Variants in ITGBL1 observed in about 807,000 individuals in gnomAD.
The protein encoded by ITGBL1 is integrin subunit beta like 1.
ITGBL1 carries 51 observed loss-of-function variants against 68.5 expected under a neutral mutation model. That is an observed-to-expected ratio of 0.74 (90% CI 0.59 to 0.94). The LOEUF (loss-of-function observed/expected upper bound fraction) is 0.94, where lower values mean the gene tolerates loss of function less well. Ranked by LOEUF, ITGBL1 falls within the 40% of genes least tolerant of loss-of-function variation. The probability of loss-of-function intolerance (pLI) is 0.00; values close to 1 mark genes in which losing one functional copy is unlikely to be tolerated. For missense variants in ITGBL1, 649 were observed against 647.4 expected (o/e 1.00, Z -0.03); for synonymous variants, 209 against 227.3 (o/e 0.92, Z 0.72).
intron 2 of ITGBL1, among the ~76,000 whole-genome samples, chr13:101,492,200 G>A (rs1171037644): frequency 1.3e-5 from 2 of 152,166 alleles, no homozygotes; most frequent in East Asian, 3.9e-4. Flanking sequence ...TTCAACCATT[G>A]TGGAAGACAG....
chr13:101,641,842 T>C (rs2032389053), intron 7 of ITGBL1, among the ~76,000 whole-genome samples: 1 of 151,188 alleles, frequency 6.6e-6, no homozygotes, highest in Admixed American at 6.6e-5. Context: ...GATAGTTTAC[T>C]GAGAATGATG....
chr13:101,554,466 A>G (rs1290219013), intron 2 of ITGBL1, among the ~76,000 whole-genome samples: 2 of 152,180 alleles, frequency 1.3e-5, no homozygotes, highest in African/African-American at 2.4e-5. Context: ...CATGTGGTCA[A>G]TGGTGGGCAG....
At chr13:101,463,061 A>G (rs2048338580) in intron 2 of ITGBL1, among the ~76,000 whole-genome samples, 1 of 152,162 alleles carries the variant, frequency 6.6e-6, no homozygotes, top group Admixed American at 6.5e-5. Flanking sequence ...AAAAGAGGGC[A>G]ATAATAAGAC....
intron 7 of ITGBL1, among the ~76,000 whole-genome samples, chr13:101,684,220 T>C (rs1463536529): frequency 1.3e-5 from 2 of 152,012 alleles, no homozygotes; most frequent in African/African-American, 2.4e-5. Context: ...TTCTACTTGG[T>C]CTCCACTTCC....
At chr13:101,667,271 A>C (rs1339566043) in intron 7 of ITGBL1, among the ~76,000 whole-genome samples, 1 of 152,204 alleles carries the variant, frequency 6.6e-6, no homozygotes, top group African/African-American at 2.4e-5. Context: ...GAGGGCTAAC[A>C]TATAGTCTTT....
intron 2 of ITGBL1, among the ~76,000 whole-genome samples, chr13:101,467,376 C>G (rs1261859255): frequency 6.6e-6 from 1 of 152,150 alleles, no homozygotes. Flanking sequence ...TCTGGTACAG[C>G]TAGACTGAGA....
intron 2 of ITGBL1, among the ~76,000 whole-genome samples, chr13:101,510,377 A>G (rs150287422): frequency 6.6e-6 from 1 of 152,248 alleles, no homozygotes; most frequent in African/African-American, 2.4e-5. Context: ...TCTATGCTAT[A>G]TATGTACCAT....
intron 2 of ITGBL1, among the ~76,000 whole-genome samples, chr13:101,525,196 A>G (rs1594865621): frequency 6.6e-6 from 1 of 152,122 alleles, no homozygotes; most frequent in African/African-American, 2.4e-5. Flanking sequence ...TAAAAATAAA[A>G]TAATTGTATA....
intron 2 of ITGBL1, among the ~76,000 whole-genome samples, chr13:101,479,578 C>T (rs2048586635): frequency 6.6e-6 from 1 of 151,224 alleles, no homozygotes. Flanking sequence ...AGATTAATAT[C>T]AAGAATATAT....
At chr13:101,481,614 C>T (rs1035495410) in intron 2 of ITGBL1, among the ~76,000 whole-genome samples, 2 of 151,886 alleles carry the variant, frequency 1.3e-5, no homozygotes, top group Non-Finnish European at 2.9e-5. Flanking sequence ...AAGTTAAAAC[C>T]CTGAATATCT....
At chr13:101,709,723 A>G (rs1198334165) in intron 9 of ITGBL1, among the ~76,000 whole-genome samples, 3 of 152,208 alleles carry the variant, frequency 2.0e-5, no homozygotes, top group Non-Finnish European at 4.4e-5. Context: ...AGAGTCAACT[A>G]TTGTTTGTGT....
chr13:101,714,930 G>A (rs2034645234), intron 10 of ITGBL1: 1 of 201,258 alleles, frequency 5.0e-6, no homozygotes, highest in Admixed American at 5.4e-5. Flanking sequence ...GGTACCACTA[G>A]TTGATGTGTT....
intron 2 of ITGBL1, among the ~76,000 whole-genome samples, chr13:101,554,072 C>G (rs982545582): frequency 6.6e-6 from 1 of 152,114 alleles, no homozygotes; most frequent in African/African-American, 2.4e-5. Flanking sequence ...CCGCTGTGCC[C>G]GGCCGAGGTT....
intron 2 of ITGBL1, among the ~76,000 whole-genome samples, chr13:101,531,925 G>T (rs928732075): frequency 6.6e-5 from 10 of 151,348 alleles, no homozygotes; most frequent in Admixed American, 5.3e-4. Flanking sequence ...TGGTAGAGAC[G>T]GGGTTTCACC....
intron 2 of ITGBL1, among the ~76,000 whole-genome samples, chr13:101,531,047 A>AC (rs1555356610): frequency 1.3e-4 from 19 of 151,870 alleles, no homozygotes; most frequent in African/African-American, 4.1e-4. Context: ...ATATTAGAGG[A>AC]TTTTTTTTAT....
intron 2 of ITGBL1, among the ~76,000 whole-genome samples, chr13:101,519,894 TC>T (rs2049256771): frequency 1.3e-5 from 2 of 152,296 alleles, no homozygotes; most frequent in South Asian, 2.1e-4. Context: ...TACATCAGTG[TC>T]TCATGTGGTA....
chr13:101,614,871 G>A (rs1427227391), intron 7 of ITGBL1, among the ~76,000 whole-genome samples: 1 of 152,072 alleles, frequency 6.6e-6, no homozygotes, highest in African/African-American at 2.4e-5. Context: ...TGAAGAGCCC[G>A]ATTTTGAAAC....
chr13:101,488,046 G>C (rs912622113), intron 2 of ITGBL1, among the ~76,000 whole-genome samples: 5 of 152,184 alleles, frequency 3.3e-5, no homozygotes, highest in Non-Finnish European at 7.3e-5. Context: ...CCTCCCTCAT[G>C]ATGAGAAGGG....
In ITGBL1 at chr13:101,682,506, G is replaced by A. The variant is rs143721419; in HGVS notation, c.1016-10079G>A. 1.1e-4 allele frequency among the ~76,000 whole-genome samples: 16 copies of A among 151,992 alleles called. 1 individual carries two copies. Among genetic ancestry groups the A allele is most frequent in the African/African-American group, 3.9e-4 (16 of 41,496 alleles). On this transcript the variant is annotated intron_variant, in intron 7 of 10. Coordinates refer to ENST00000376180, the MANE Select transcript of ITGBL1 (RefSeq NM_004791.3). ...AAATGTCAAGTATTTCAATGAACAC[G>A]GTAACTTTCCTAAAAGTGTAATTAT...
Sources: gnomAD v4.1 joint callset for allele counts (sites outside exome capture counted in the v4.1 genomes callset) on GRCh38, gnomAD v4.1.1 for gene constraint, MANE v1.5 for transcripts, NCBI Gene and HGNC (gene_info 2026-07-23, HGNC 2026-07-21) for gene names.